Variants in CDC27 observed in about 807,000 individuals in gnomAD.
CDC27 encodes cell division cycle protein 27 homolog.
A neutral mutation model predicts 109.7 loss-of-function variants in CDC27; 27 were observed. The observed-to-expected ratio is 0.25, with a 90% CI of 0.18 to 0.34. The LOEUF (loss-of-function observed/expected upper bound fraction) is 0.34. CDC27 is among the 10% of genes least tolerant of loss of function. The pLI is 1.00. For synonymous variants in CDC27, 266 were observed against 333.9 expected, an observed-to-expected ratio of 0.80 and a Z score of 2.22; for missense variants, 579 against 960.2, an observed-to-expected ratio of 0.60 and a Z score of 5.25.
chr17:47,121,006 C>T lies in CDC27; in HGVS notation c.2404G>A (p.Glu802Lys), dbSNP rs2061969066. 1 of 1,609,086 alleles carries T rather than the reference C, an allele frequency of 6.2e-7. No individual in the cohort carries two copies. Among genetic ancestry groups the T allele is most frequent in the South Asian group, 1.1e-5 (1 of 90,656 alleles). ...TQEEQIMGTDESQESSMTDAD... is the reference protein window; with the variant it reads ...TQEEQIMGTDKSQESSMTDAD... The stretch of plus-strand genomic sequence containing the variant: ...TCTGTCATGCTGCTCTCCTGGGATT[C>T]ATCTGTTCCCACTTTAAAAATAAAA... Residue 802 changes from glutamate (E) to lysine (K), a missense_variant, in exon 19 of 19, where the codon GAA becomes AAA. Glu to Lys is a moderately conservative substitution (Grantham distance 56). This residue lies in a region of CDC27 where 227 missense variants were observed against 363.6 expected (regional missense o/e 0.62). Coordinates refer to ENST00000066544, the MANE Select transcript of CDC27 (RefSeq NM_001256.6).
At chr17:47,158,131 T>G in intron 5 of CDC27, 75 bp downstream of exon 5, 2 of 549,614 alleles carry the variant, frequency 3.6e-6, no homozygotes, top group Non-Finnish European at 6.4e-6. Flanking sequence ...TCTGTATTGC[T>G]CTCCAAAAAT....
chr17:47,188,826 C>G, intron 1 of CDC27: 1 of 1,246,794 alleles, frequency 8.0e-7, no homozygotes, highest in Non-Finnish European at 1.0e-6. Context: ...GGTGCATTTT[C>G]GGCCCCTCAT....
At chr17:47,162,550 A>G (rs1415749475) in intron 4 of CDC27, among the ~76,000 whole-genome samples, 1 of 152,198 alleles carries the variant, frequency 6.6e-6, no homozygotes, top group Non-Finnish European at 1.5e-5. Context: ...ATTTTTATTA[A>G]TAATTTTAAA....
intron 1 of CDC27, among the ~76,000 whole-genome samples, chr17:47,181,951 C>A (rs539936474): frequency 1.1e-4 from 16 of 152,188 alleles, no homozygotes; most frequent in Non-Finnish European, 1.8e-4. Context: ...CCCTAAAGAT[C>A]CAGCTTAAAT....
Position 47,172,083 on chromosome 17 carries a change from T to A in CDC27, c.104-19A>T. ...GAGTGTACTAAAAACAGACATTTTT[T>A]AAAAAGGCTATTGTTCAGTATATTG... is the stretch of plus-strand genomic sequence containing the variant. On this transcript the variant is annotated intron_variant, in intron 2 of 18. Coordinates refer to ENST00000066544, the MANE Select transcript of CDC27 (RefSeq NM_001256.6). 6.6e-7 allele frequency: 1 copy of A among 1,518,468 alleles called. No individual in the cohort carries two copies. The highest frequency in any genetic ancestry group is 8.8e-7 in the Non-Finnish European group (1 of 1,135,400). The allele number at this position is 1,518,468 out of a possible 1,614,324, so 94.1% of individuals were successfully genotyped here.
intron 9 of CDC27, among the ~76,000 whole-genome samples, chr17:47,147,534 T>G (rs1484760241): frequency 6.6e-6 from 1 of 151,020 alleles, no homozygotes; most frequent in East Asian, 2.0e-4. Context: ...ACAGACTTAG[T>G]AGGCAAAAAC....
chr17:47,135,095 C>T (rs1477366463), intron 14 of CDC27, among the ~76,000 whole-genome samples: 1 of 152,042 alleles, frequency 6.6e-6, no homozygotes, highest in Non-Finnish European at 1.5e-5. Context: ...TAAAGTTATA[C>T]AGCTAATAAA....
At chr17:47,134,741 T>C (rs894048839) in intron 14 of CDC27, among the ~76,000 whole-genome samples, 1 of 151,774 alleles carries the variant, frequency 6.6e-6, no homozygotes, top group African/African-American at 2.4e-5. Context: ...CCCAAAGTGC[T>C]GGGATTACAG....
At chr17:47,163,701 A>G (rs1418421527) in intron 4 of CDC27, among the ~76,000 whole-genome samples, 2 of 152,256 alleles carry the variant, frequency 1.3e-5, no homozygotes, top group South Asian at 2.1e-4. Context: ...TGAATAGTTC[A>G]GTGCCACATG....
At chr17:47,166,708 T>C (rs117953218) in intron 4 of CDC27, among the ~76,000 whole-genome samples, 13,419 of 152,278 alleles carry the variant, frequency 0.088, 860 homozygotes, top group Non-Finnish European at 0.13. Context: ...ACTGTTCTTT[T>C]ATAACAAACA....
chr17:47,128,732 C>A (rs1348432806), intron 16 of CDC27, among the ~76,000 whole-genome samples: 2 of 151,822 alleles, frequency 1.3e-5, no homozygotes, highest in Non-Finnish European at 2.9e-5. Flanking sequence ...CTGAATAATG[C>A]ACACACATTC....
intron 7 of CDC27, among the ~76,000 whole-genome samples, chr17:47,156,356 T>C (rs905372095): frequency 1.3e-5 from 2 of 152,092 alleles, no homozygotes; most frequent in Non-Finnish European, 2.9e-5. Flanking sequence ...GCCAGGATGG[T>C]CTCGATCTCC....
chr17:47,133,542 C>A (rs1042097233), intron 14 of CDC27, among the ~76,000 whole-genome samples: 1 of 151,782 alleles, frequency 6.6e-6, no homozygotes, highest in Non-Finnish European at 1.5e-5. Flanking sequence ...CAGGTTCAAG[C>A]GTTTCTCCTG....
intron 16 of CDC27, 65 bp downstream of exon 16, chr17:47,129,327 GA>G (rs1044569747): frequency 3.2e-5 from 37 of 1,166,946 alleles, no homozygotes; most frequent in Non-Finnish European, 4.4e-5. Context: ...TCAGTTTATT[GA>G]AAACAAGGGA....
At chr17:47,124,168 G>T in intron 16 of CDC27, among the ~76,000 whole-genome samples, 1 of 96,308 alleles carries the variant, frequency 1.0e-5, no homozygotes, top group African/African-American at 4.7e-5. Flanking sequence ...AGGCACTCTA[G>T]TACACTGAAA....
chr17:47,124,020 T>C (rs2148793379), intron 16 of CDC27, 60 bp from the exon 17 acceptor site: 1 of 1,072,990 alleles, frequency 9.3e-7, no homozygotes, highest in Non-Finnish European at 1.3e-6. Context: ...TGACCAAGCG[T>C]TTTTACTTAT....
chr17:47,125,824 G>A (rs1168071693), intron 16 of CDC27, among the ~76,000 whole-genome samples: 1 of 152,192 alleles, frequency 6.6e-6, no homozygotes, highest in East Asian at 1.9e-4. Context: ...TTACAGGCGT[G>A]AGCTGCTGCG....
intron 5 of CDC27, 67 bp from the exon 6 acceptor site, chr17:47,157,451 C>A: frequency 8.0e-7 from 1 of 1,249,480 alleles, no homozygotes; most frequent in East Asian, 2.3e-5. Flanking sequence ...TTCAAGTATG[C>A]ATAAATCAGT....
At chr17:47,155,991 T>G (rs540946925) in intron 7 of CDC27, among the ~76,000 whole-genome samples, 38 of 152,286 alleles carry the variant, frequency 2.5e-4, no homozygotes, top group African/African-American at 9.1e-4. Flanking sequence ...CTCCATGTTT[T>G]GGAAAAAGGC....
Sources: gnomAD v4.1 joint callset for allele counts (sites outside exome capture counted in the v4.1 genomes callset) on GRCh38, gnomAD v4.1.1 for gene constraint, gnomAD v4.1.1 regional missense constraint, MANE v1.5 for transcripts, NCBI Gene and HGNC (gene_info 2026-07-23, HGNC 2026-07-21) for gene names.